Variants in KLF12 observed in about 807,000 individuals in gnomAD.
The protein encoded by KLF12 is KLF transcription factor 12, also known as Krueppel-like factor 12.
KLF12 carries 9 observed loss-of-function variants against 37.8 expected under a neutral mutation model. The ratio of observed to expected loss-of-function variants is 0.24; its 90% confidence interval spans 0.14 to 0.42. The LOEUF is 0.42. Ranked by LOEUF, KLF12 falls within the 10% of genes least tolerant of loss-of-function variation. KLF12 has a pLI of 1.00. For synonymous variants in KLF12, 208 were observed against 202.1 expected (o/e 1.03, Z -0.25); for missense variants, 411 against 516.0 (o/e 0.80, Z 1.97).
chr13:73,740,621 G>A (rs1251044347), intron 6 of KLF12, among the ~76,000 whole-genome samples: 2 of 152,142 alleles, frequency 1.3e-5, no homozygotes, highest in East Asian at 1.9e-4. Flanking sequence ...GGTTACAGTT[G>A]TGAGCCACTG....
At chr13:73,775,517 A>T (rs1361033391) in intron 5 of KLF12, among the ~76,000 whole-genome samples, 1 of 152,196 alleles carries the variant, frequency 6.6e-6, no homozygotes, top group Non-Finnish European at 1.5e-5. Flanking sequence ...TAATTGCTTC[A>T]ATTTTCCACT....
rs1415258475 is a variant in KLF12, at chr13:73,867,998, G to T, written c.124-21625C>A. ...ATTGTGCTATTGCACTCCAGCCTGGGCAACAAACAAGAGCGAAACTCCTTC... is the reference window on the plus strand; with the variant it reads ...ATTGTGCTATTGCACTCCAGCCTGGTCAACAAACAAGAGCGAAACTCCTTC... On this transcript the variant is annotated intron_variant, in intron 3 of 7. Coordinates refer to ENST00000377669, the MANE Select transcript of KLF12 (RefSeq NM_007249.5). Among the ~76,000 whole-genome samples, 4 of 149,600 alleles carry T rather than the reference G, an allele frequency of 2.7e-5. No individual in the cohort carries two copies. The East Asian group carries it at 7.9e-4, about 30-fold the overall frequency.
intron 6 of KLF12, among the ~76,000 whole-genome samples, chr13:73,716,893 G>C (rs1048790198): frequency 6.6e-6 from 1 of 152,020 alleles, no homozygotes; most frequent in Non-Finnish European, 1.5e-5. Flanking sequence ...AAATCAGAAT[G>C]CTTCTTAAAA....
chr13:74,113,915 A>G (rs1276629589), intron 1 of KLF12, among the ~76,000 whole-genome samples: 1 of 152,222 alleles, frequency 6.6e-6, no homozygotes, highest in African/African-American at 2.4e-5. Flanking sequence ...AAATATCAAC[A>G]TTAGAAGGAG....
chr13:74,126,771 C>T (rs1042711900), intron 1 of KLF12, among the ~76,000 whole-genome samples: 6 of 152,202 alleles, frequency 3.9e-5, no homozygotes, highest in East Asian at 3.9e-4. Context: ...AAATGATGTT[C>T]GTAAGTCAAA....
chr13:73,727,648 T>TC (rs1876757073), intron 6 of KLF12, among the ~76,000 whole-genome samples: 1 of 152,128 alleles, frequency 6.6e-6, no homozygotes, highest in South Asian at 2.1e-4. Flanking sequence ...CAATTTATTC[T>TC]CCCCCCTCAG....
chr13:74,135,618 C>CGGAGGCG (rs1566230287), upstream of KLF12, among the ~76,000 whole-genome samples: 1 of 151,182 alleles, frequency 6.6e-6, no homozygotes. Flanking sequence ...GCGCGGCGGA[C>CGGAGGCG]GGAGGCGGGA....
intron 4 of KLF12, among the ~76,000 whole-genome samples, chr13:73,839,110 T>A (rs941448647): frequency 1.5e-4 from 23 of 150,702 alleles, no homozygotes; most frequent in Admixed American, 4.0e-4. Context: ...TTTTTTTTTT[T>A]AAGATGGGAT....
At chr13:74,139,482 A>C in the KLF12 span, among the ~76,000 whole-genome samples, 1 of 152,254 alleles carries the variant, frequency 6.6e-6, no homozygotes, top group Admixed American at 6.5e-5. Flanking sequence ...TATTGAAAAT[A>C]ACAAAATTCT....
chr13:74,156,021 T>C, the KLF12 span, among the ~76,000 whole-genome samples: 2 of 152,328 alleles, frequency 1.3e-5, no homozygotes, highest in East Asian at 3.9e-4. Context: ...CTGTTGGTTG[T>C]GCCACTTCTA....
chr13:73,779,581 A>G (rs1006951049), intron 5 of KLF12, among the ~76,000 whole-genome samples: 3 of 152,244 alleles, frequency 2.0e-5, no homozygotes, highest in African/African-American at 7.2e-5. Flanking sequence ...ACTGGTAATC[A>G]TAAGTGAAAT....
rs9600185 is a variant in KLF12 at position 73,921,578 on chromosome 13, G to T, written c.123+22403C>A. ...AATCTCCCCAGCTGAAAATTCAGTTGTAAGAATCAAATGTAATGGTAAAAT... is the reference window on the plus strand; with the variant it reads ...AATCTCCCCAGCTGAAAATTCAGTTTTAAGAATCAAATGTAATGGTAAAAT... On this transcript the variant is annotated intron_variant, in intron 3 of 7. Transcript: ENST00000377669. 3.4e-3 allele frequency among the ~76,000 whole-genome samples: 518 copies of T among 152,148 alleles called. 3 individuals carry two copies. Among genetic ancestry groups the T allele is most frequent in the East Asian group, 0.015 (76 of 5,186 alleles).
At chr13:74,162,481 T>C in the KLF12 span, among the ~76,000 whole-genome samples, 1 of 152,254 alleles carries the variant, frequency 6.6e-6, no homozygotes, top group Non-Finnish European at 1.5e-5. Context: ...CCCTGTGCCT[T>C]CCTCCAGGAG....
At chr13:73,874,213 G>A (rs1215382729) in intron 3 of KLF12, among the ~76,000 whole-genome samples, 3 of 152,100 alleles carry the variant, frequency 2.0e-5, no homozygotes, top group Non-Finnish European at 4.4e-5. Context: ...TTTGACCTTG[G>A]AACTATTTTA....
chr13:73,815,499 T>C (rs571671597), intron 4 of KLF12, among the ~76,000 whole-genome samples: 10 of 152,320 alleles, frequency 6.6e-5, no homozygotes, highest in African/African-American at 2.2e-4. Context: ...TAGGAACTCA[T>C]AGATAGCTTC....
At chr13:73,899,901 C>T (rs1183827861) in intron 3 of KLF12, among the ~76,000 whole-genome samples, 1 of 152,242 alleles carries the variant, frequency 6.6e-6, no homozygotes, top group East Asian at 1.9e-4. Context: ...ACTTCACAGC[C>T]TCCATCATCA....
upstream of KLF12, among the ~76,000 whole-genome samples, chr13:74,135,976 T>C (rs1406210970): frequency 3.3e-5 from 5 of 152,196 alleles, no homozygotes; most frequent in Non-Finnish European, 5.9e-5. Flanking sequence ...CCTGGTGCGT[T>C]CTCTGCCTCT....
the KLF12 span, among the ~76,000 whole-genome samples, chr13:74,182,009 A>G: frequency 1.3e-5 from 2 of 152,232 alleles, no homozygotes; most frequent in Admixed American, 6.5e-5. Flanking sequence ...TTAGAGATAC[A>G]TAGCAAAAAA....
At chr13:73,964,955 C>T (rs1891133975) in intron 2 of KLF12, among the ~76,000 whole-genome samples, 1 of 152,154 alleles carries the variant, frequency 6.6e-6, no homozygotes. Flanking sequence ...AGCAGTGCTT[C>T]CCAATTATTT....
Sources: gnomAD v4.1 joint callset for allele counts (sites outside exome capture counted in the v4.1 genomes callset) on GRCh38, gnomAD v4.1.1 for gene constraint, MANE v1.5 for transcripts, NCBI Gene and HGNC (gene_info 2026-07-23, HGNC 2026-07-21) for gene names.